The following EPHA6 variants were observed in gnomAD, a reference collection of about 807,000 sequenced individuals.
EPHA6 encodes the protein EPH receptor A6, also known as ephrin type-A receptor 6.
Under a neutral mutation model 112.0 loss-of-function variants are expected in EPHA6, and 50 were observed. The observed-to-expected ratio is 0.45, with a 90% confidence interval of 0.36 to 0.56. The LOEUF (loss-of-function observed/expected upper bound fraction) is 0.56, where lower values mean the gene tolerates loss of function less well. Among genes scored for constraint, EPHA6 ranks in the 20% least tolerant of loss-of-function variants. EPHA6 has a pLI of 0.00. For missense variants in EPHA6, 1,280 were observed against 1,417.4 expected, an observed-to-expected ratio of 0.90 and a Z score of 1.56; for synonymous variants, 529 against 490.7, an observed-to-expected ratio of 1.08 and a Z score of -1.03.
At chr3:97,507,032 C>T (rs570990395) in intron 10 of EPHA6, among the ~76,000 whole-genome samples, 74 of 152,252 alleles carry the variant, frequency 4.9e-4, no homozygotes, top group Non-Finnish European at 8.5e-4. Flanking sequence ...TGGGACTTTG[C>T]TGAAGTTGCT....
intron 3 of EPHA6, among the ~76,000 whole-genome samples, chr3:97,050,810 T>C (rs1158923830): frequency 1.3e-5 from 2 of 152,158 alleles, no homozygotes; most frequent in East Asian, 1.9e-4. Flanking sequence ...TTTTGTTGAG[T>C]ACTACCTAGG....
chr3:97,280,424 A>G (rs1422328146), intron 5 of EPHA6, among the ~76,000 whole-genome samples: 1 of 152,220 alleles, frequency 6.6e-6, no homozygotes, highest in African/African-American at 2.4e-5. Context: ...AAAGACATAC[A>G]TAGGATCAGC....
intron 2 of EPHA6, among the ~76,000 whole-genome samples, chr3:96,884,835 A>G (rs1271905576): frequency 6.6e-6 from 1 of 152,138 alleles, no homozygotes; most frequent in African/African-American, 2.4e-5. Flanking sequence ...ACTTTTCTCC[A>G]TTCAGTATTA....
rs2090489846 is a variant in EPHA6 at position 97,450,487 on chromosome 3, T to C, written c.1894+1757T>C. Among the ~76,000 whole-genome samples the C allele has an allele frequency of 2.0e-5, 3 of 152,106 alleles. No individual in the cohort carries two copies. The South Asian group carries it at 6.2e-4, about 31-fold the overall frequency. On this transcript the variant is annotated intron_variant, in intron 7 of 17. Transcript: ENST00000389672. The stretch of plus-strand genomic sequence containing the variant: ...AGAAATGCACTCTCAGATAAACTCA[T>C]AGAGCTACATCTAAATAAGTCATTT...
In EPHA6 at chr3:97,754,036, A is replaced by G. The variant is rs765014356; in HGVS notation, c.*5335A>G. On this transcript the variant is annotated 3_prime_UTR_variant, in exon 18 of 18. Transcript: ENST00000389672. Reference sequence around the variant, plus strand: ...TTTTTCTGAGTAATAAATTAGCTTCAAATTAACAATGAGTTTGTATAAAAT... The same window carrying G: ...TTTTTCTGAGTAATAAATTAGCTTCGAATTAACAATGAGTTTGTATAAAAT... Among the ~76,000 whole-genome samples the G allele has an allele frequency of 1.3e-5, 2 of 152,066 alleles. No individual in the cohort carries two copies. Among genetic ancestry groups the G allele is most frequent in the Non-Finnish European group, 2.9e-5 (2 of 68,012 alleles).
chr3:97,473,014 A>G (rs533695936), intron 7 of EPHA6, among the ~76,000 whole-genome samples: 47 of 151,904 alleles, frequency 3.1e-4, no homozygotes, highest in African/African-American at 1.1e-3. Flanking sequence ...TGTGAAGATA[A>G]TTTTGATAAT....
intron 11 of EPHA6, among the ~76,000 whole-genome samples, chr3:97,577,037 G>A (rs2093393442): frequency 6.6e-6 from 1 of 152,104 alleles, no homozygotes; most frequent in South Asian, 2.1e-4. Context: ...TTTATTTAGA[G>A]ACAAGATCTC....
intron 3 of EPHA6, among the ~76,000 whole-genome samples, chr3:97,028,365 G>C (rs566492451): frequency 2.0e-5 from 3 of 152,128 alleles, no homozygotes; most frequent in South Asian, 4.1e-4. Flanking sequence ...ATTAAATATT[G>C]AATATAGTAG....
intron 10 of EPHA6, among the ~76,000 whole-genome samples, chr3:97,487,953 T>C (rs932537812): frequency 6.6e-6 from 1 of 152,208 alleles, no homozygotes; most frequent in African/African-American, 2.4e-5. Flanking sequence ...TTGCAAGATA[T>C]GAGAAAACGG....
intron 1 of EPHA6, among the ~76,000 whole-genome samples, chr3:96,825,163 C>G (rs997367802): frequency 1.3e-5 from 2 of 151,546 alleles, no homozygotes; most frequent in African/African-American, 2.4e-5. Context: ...AGTTTTTATG[C>G]GTTTAAAGAT....
intron 11 of EPHA6, among the ~76,000 whole-genome samples, chr3:97,563,933 T>C (rs2093226201): frequency 1.3e-5 from 2 of 152,134 alleles, no homozygotes; most frequent in South Asian, 4.1e-4. Context: ...CAAAATCAAC[T>C]TAATAGTTAC....
chr3:97,286,507 G>A (rs2080468958), intron 5 of EPHA6, among the ~76,000 whole-genome samples: 1 of 152,134 alleles, frequency 6.6e-6, no homozygotes, highest in South Asian at 2.1e-4. Flanking sequence ...TTTCCCCAGT[G>A]TATGTTCCTG....
intron 3 of EPHA6, among the ~76,000 whole-genome samples, chr3:97,062,142 A>G (rs186301671): frequency 6.6e-6 from 1 of 152,294 alleles, no homozygotes; most frequent in African/African-American, 2.4e-5. Context: ...AGAGTGACAC[A>G]TTATGCAGCC....
At chr3:97,093,591 A>G (rs2047141323) in intron 3 of EPHA6, among the ~76,000 whole-genome samples, 1 of 152,082 alleles carries the variant, frequency 6.6e-6, no homozygotes, top group Admixed American at 6.6e-5. Flanking sequence ...ATACGCCTGA[A>G]TGATAGGTAA....
At chr3:97,587,551 A>T (rs902097861) in intron 11 of EPHA6, among the ~76,000 whole-genome samples, 1 of 152,180 alleles carries the variant, frequency 6.6e-6, no homozygotes, top group Non-Finnish European at 1.5e-5. Flanking sequence ...ATTTGATTTC[A>T]CGTAATAATC....
At chr3:97,083,130 A>G (rs2046776636) in intron 3 of EPHA6, among the ~76,000 whole-genome samples, 1 of 151,930 alleles carries the variant, frequency 6.6e-6, no homozygotes, top group African/African-American at 2.4e-5. Context: ...ATCTCCTTCA[A>G]CTTATTTTAA....
chr3:96,958,765 G>A (rs921091709), intron 2 of EPHA6, among the ~76,000 whole-genome samples: 1 of 152,110 alleles, frequency 6.6e-6, no homozygotes, highest in Non-Finnish European at 1.5e-5. Context: ...TCCACTTAGC[G>A]TGGAACTCAC....
intron 3 of EPHA6, among the ~76,000 whole-genome samples, chr3:97,155,500 A>T (rs1159881813): frequency 2.0e-5 from 3 of 152,222 alleles, no homozygotes; most frequent in Non-Finnish European, 4.4e-5. Flanking sequence ...ACAGATAATC[A>T]CCAATTTAGC....
rs2036012455 is a variant in EPHA6, at chr3:97,755,801, G to C, written c.*7100G>C. Among the ~76,000 whole-genome samples the C allele has an allele frequency of 6.6e-6, 1 of 151,982 alleles. No individual in the cohort carries two copies. Among genetic ancestry groups the C allele is most frequent in the African/African-American group, 2.4e-5 (1 of 41,422 alleles). On this transcript the variant is annotated 3_prime_UTR_variant, in exon 18 of 18. Transcript: ENST00000389672. ...TTTCCACATTTGTAGCTCATCCTTA[G>C]AACAGTCTTAATTTGGCTCTGTTCT...
Sources: gnomAD v4.1 joint callset for allele counts (sites outside exome capture counted in the v4.1 genomes callset) on GRCh38, gnomAD v4.1.1 for gene constraint, MANE v1.5 for transcripts, NCBI Gene and HGNC (gene_info 2026-07-23, HGNC 2026-07-21) for gene names.